Variants in RABGAP1L observed in about 807,000 individuals in gnomAD.
The protein encoded by RABGAP1L is RAB GTPase activating protein 1 like.
In RABGAP1L, 63 loss-of-function variants were observed where a neutral mutation model predicts 137.7. That is an observed-to-expected ratio of 0.46 (90% CI 0.37 to 0.56). RABGAP1L has a LOEUF of 0.56. Among genes scored for constraint, RABGAP1L ranks in the 20% least tolerant of loss-of-function variants. The probability of loss-of-function intolerance (pLI) is 0.00; values close to 1 mark genes in which losing one functional copy is unlikely to be tolerated. For missense variants in RABGAP1L, 1,095 were observed against 1,244.0 expected (o/e 0.88, Z 1.80); for synonymous variants, 431 against 433.7 (o/e 0.99, Z 0.08).
At chr1:174,635,845 T>G (rs969906627) in intron 13 of RABGAP1L, among the ~76,000 whole-genome samples, 1 of 152,228 alleles carries the variant, frequency 6.6e-6, no homozygotes, top group Non-Finnish European at 1.5e-5. Flanking sequence ...GTGGCTTACC[T>G]TAGAGCTAAT....
In RABGAP1L at chr1:174,874,404, C is replaced by T. The variant is rs539414880; in HGVS notation, c.2340+62444C>T. The T allele has an allele frequency of 6.5e-5, 60 of 928,828 alleles. 1 individual carries two copies. In the East Asian group the frequency reaches 3.6e-3, roughly 56 times the overall value. The allele number at this position is 928,828 out of a possible 1,614,324, so 57.5% of individuals were successfully genotyped here. On this transcript the variant is annotated intron_variant, in intron 19 of 25. Transcript: ENST00000681986. ...ACCTAGCGAAGTTAAATGACTTGCC[C>T]GGGGACGGACAGCTAGCTAGTTCCT...
chr1:174,893,129 C>A (rs987620158), intron 19 of RABGAP1L: 3 of 325,958 alleles, frequency 9.2e-6, no homozygotes, highest in African/African-American at 2.2e-5. Flanking sequence ...CATCATTGTG[C>A]GGCCCTGTGT....
chr1:174,305,494 C>G (rs954948826), intron 11 of RABGAP1L, among the ~76,000 whole-genome samples: 1 of 152,142 alleles, frequency 6.6e-6, no homozygotes, highest in African/African-American at 2.4e-5. Flanking sequence ...AAACAATTCT[C>G]CTGCCTCAGC....
rs535141640 is a variant in RABGAP1L at position 174,499,373 on chromosome 1, A to AAATG, written c.1710+105228_1710+105229insAATG. 1.3e-3 allele frequency among the ~76,000 whole-genome samples: 200 copies of AAATG among 152,354 alleles called. 1 individual carries two copies. The highest frequency in any genetic ancestry group is 4.5e-3 in the African/African-American group (186 of 41,586). Reference sequence around the variant, plus strand: ...GTATACCGTTCATATGACTTAGAACATTTAGGAAAACTACAGGTATATTTT... The same window carrying AAATG: ...GTATACCGTTCATATGACTTAGAACAAATGTTTAGGAAAACTACAGGTATATTTT... On this transcript the variant is annotated intron_variant, in intron 13 of 25. Transcript: ENST00000681986.
intron 17 of RABGAP1L, among the ~76,000 whole-genome samples, chr1:174,739,512 C>T (rs1030842549): frequency 1.3e-5 from 2 of 152,168 alleles, no homozygotes; most frequent in Non-Finnish European, 2.9e-5. Flanking sequence ...TGGTTTCATA[C>T]TAGAAACTCC....
At chr1:174,919,107 C>G (rs1291477506) in intron 19 of RABGAP1L, among the ~76,000 whole-genome samples, 1 of 151,908 alleles carries the variant, frequency 6.6e-6, no homozygotes, top group Non-Finnish European at 1.5e-5. Context: ...CAACCTCCGC[C>G]TCCCAGGTTC....
intron 17 of RABGAP1L, among the ~76,000 whole-genome samples, chr1:174,738,805 G>A (rs1166032922): frequency 6.6e-6 from 1 of 152,170 alleles, no homozygotes; most frequent in Non-Finnish European, 1.5e-5. Flanking sequence ...AATATACTAT[G>A]TTTAAATGGG....
At position 174,866,110 on chromosome 1, in the gene RABGAP1L, G is replaced by GGAGAGAGA. The variant is rs34712612; in HGVS notation, c.2340+54197_2340+54204dup. ...GAGAGGAGGGGAGAGGGAGGGAGGG[G>GGAGAGAGA]GAGAGAGAGAGAGAGAGAGAGAGAG... On this transcript the variant is annotated intron_variant, in intron 19 of 25. Transcript: ENST00000681986. 2.2e-3 allele frequency among the ~76,000 whole-genome samples: 145 copies of GGAGAGAGA among 65,814 alleles called. 6 individuals are homozygous for GGAGAGAGA. Among genetic ancestry groups the GGAGAGAGA allele is most frequent in the East Asian group, 0.011 (18 of 1,644 alleles). The allele number at this position is 65,814 out of a possible 152,430, so 43.2% of individuals were successfully genotyped here. A position where few individuals can be genotyped will look rare whatever the true frequency, so the allele number is the denominator to read the frequency against.
At chr1:174,853,894 A>G (rs1231829) in intron 19 of RABGAP1L, among the ~76,000 whole-genome samples, 57,117 of 152,064 alleles carry the variant, frequency 0.38, 13,077 homozygotes, top group African/African-American at 0.65. Flanking sequence ...CTGCATTTGG[A>G]GTTTTCCTCT....
At chr1:174,512,416 T>G (rs1662434035) in intron 13 of RABGAP1L, among the ~76,000 whole-genome samples, 1 of 152,216 alleles carries the variant, frequency 6.6e-6, no homozygotes. Context: ...CTGAAATGTA[T>G]GGTGGTAGGT....
At chr1:174,521,308 TATTG>T (rs1209782734) in intron 13 of RABGAP1L, among the ~76,000 whole-genome samples, 1 of 152,216 alleles carries the variant, frequency 6.6e-6, no homozygotes, top group East Asian at 1.9e-4. Flanking sequence ...CATGTGAGTT[TATTG>T]ATTTTATTTA....
chr1:174,726,647 T>G (rs752290641), intron 17 of RABGAP1L, among the ~76,000 whole-genome samples: 1 of 152,188 alleles, frequency 6.6e-6, no homozygotes, highest in Admixed American at 6.5e-5. Flanking sequence ...TTCTAAGAGA[T>G]AGAAATTTTG....
intron 19 of RABGAP1L, among the ~76,000 whole-genome samples, chr1:174,833,687 T>TG (rs1020677720): frequency 2.6e-5 from 4 of 151,632 alleles, no homozygotes; most frequent in African/African-American, 9.7e-5. Flanking sequence ...GTCCTAGTAC[T>TG]GCAGTAGGCA....
intron 1 of RABGAP1L, among the ~76,000 whole-genome samples, chr1:174,214,093 C>T (rs1356295301): frequency 6.6e-6 from 1 of 152,084 alleles, no homozygotes; most frequent in Non-Finnish European, 1.5e-5. Context: ...TTGGAAAAAC[C>T]TAAAGACTCC....
At position 174,509,392 on chromosome 1, in the gene RABGAP1L, A is replaced by G. The variant is rs1662129019; in HGVS notation, c.1710+115247A>G. On this transcript the variant is annotated intron_variant, in intron 13 of 25. Coordinates refer to ENST00000681986, the MANE Select transcript of RABGAP1L (RefSeq NM_001366446.1). Reference sequence around the variant, plus strand: ...TGTATATTTATATACATAATCACCTAACTCCTACCTCCTCTTCTTTCTTCC... The same window carrying G: ...TGTATATTTATATACATAATCACCTGACTCCTACCTCCTCTTCTTTCTTCC... 2.0e-5 allele frequency among the ~76,000 whole-genome samples: 3 copies of G among 152,116 alleles called. No homozygotes were observed. The South Asian group carries it at 6.2e-4, about 31-fold the overall frequency.
intron 13 of RABGAP1L, among the ~76,000 whole-genome samples, chr1:174,621,388 A>G (rs1354375222): frequency 1.3e-5 from 2 of 152,236 alleles, no homozygotes; most frequent in Non-Finnish European, 2.9e-5. Flanking sequence ...ATGAACCTGC[A>G]CTGCCAATTC....
At chr1:174,619,815 A>C (rs1372886367) in intron 13 of RABGAP1L, among the ~76,000 whole-genome samples, 3 of 152,144 alleles carry the variant, frequency 2.0e-5, no homozygotes, top group African/African-American at 7.2e-5. Context: ...TAAATGGAAT[A>C]AATGCTCCAA....
At chr1:174,961,845 C>CAAA (rs61233451) in intron 20 of RABGAP1L, among the ~76,000 whole-genome samples, 15 of 88,704 alleles carry the variant, frequency 1.7e-4, no homozygotes, top group Non-Finnish European at 2.6e-4. Flanking sequence ...GACTCTGTCT[C>CAAA]AAAAAAAAAA....
At chr1:174,702,605 C>T (rs1202450788) in intron 17 of RABGAP1L, among the ~76,000 whole-genome samples, 1 of 151,986 alleles carries the variant, frequency 6.6e-6, no homozygotes, top group African/African-American at 2.4e-5. Flanking sequence ...AATATTAATG[C>T]AGTTATACTG....
Sources: allele counts gnomAD v4.1 joint callset (sites outside exome capture counted in the v4.1 genomes callset), GRCh38; gene constraint gnomAD v4.1.1; transcripts MANE v1.5; gene names NCBI Gene and HGNC (gene_info 2026-07-23, HGNC 2026-07-21).